The following SORCS3 variants were observed in gnomAD, a reference collection of about 807,000 sequenced individuals.
SORCS3 encodes VPS10 domain-containing receptor SorCS3.
Under a neutral mutation model 146.3 loss-of-function variants are expected in SORCS3, and 57 were observed. The ratio of observed to expected loss-of-function variants is 0.39; its 90% CI spans 0.31 to 0.49. The LOEUF (loss-of-function observed/expected upper bound fraction) is 0.49. Ranked by LOEUF, SORCS3 falls within the 20% of genes least tolerant of loss-of-function variation. The pLI, the probability that SORCS3 is intolerant of heterozygous loss-of-function variation, is 0.92. For missense variants in SORCS3, 1,341 were observed against 1,575.5 expected (o/e 0.85, Z 2.52); for synonymous variants, 653 against 618.5 (o/e 1.06, Z -0.83).
chr10:104,811,033 A>G (rs1196972745), intron 1 of SORCS3, among the ~76,000 whole-genome samples: 1 of 152,244 alleles, frequency 6.6e-6, no homozygotes, highest in African/African-American at 2.4e-5. Flanking sequence ...GATTAAGAAA[A>G]GCCCATTGCT....
intron 3 of SORCS3, among the ~76,000 whole-genome samples, chr10:104,970,279 G>A (rs536749581): frequency 4.5e-4 from 68 of 151,986 alleles, no homozygotes; most frequent in Admixed American, 7.2e-4. Context: ...CCTGAGTAGC[G>A]GGGATTACAG....
At chr10:104,904,239 G>T (rs920026369) in intron 2 of SORCS3, among the ~76,000 whole-genome samples, 6 of 152,130 alleles carry the variant, frequency 3.9e-5, no homozygotes, top group Non-Finnish European at 7.3e-5. Flanking sequence ...TATGTCCTTT[G>T]GTATCTTAGA....
intron 3 of SORCS3, among the ~76,000 whole-genome samples, chr10:104,919,750 A>C (rs958970574): frequency 3.3e-5 from 5 of 152,112 alleles, no homozygotes; most frequent in African/African-American, 1.2e-4. Context: ...TGCTTTCCTC[A>C]TCATCCAAGA....
intron 4 of SORCS3, among the ~76,000 whole-genome samples, chr10:105,025,837 A>AACACACACACACACACACACACAC (rs57597161): frequency 1.5e-5 from 2 of 135,418 alleles, no homozygotes; most frequent in African/African-American, 2.8e-5. Context: ...TGTCTTCTCA[A>AACACACACACACACACACACACAC]ACACACACAC....
intron 20 of SORCS3, among the ~76,000 whole-genome samples, chr10:105,239,972 C>G (rs957013213): frequency 6.6e-6 from 1 of 152,190 alleles, no homozygotes; most frequent in African/African-American, 2.4e-5. Context: ...GCCATTTTCC[C>G]AGCACAAGAG....
At chr10:104,864,388 C>T (rs1372842589) in intron 2 of SORCS3, among the ~76,000 whole-genome samples, 2 of 152,152 alleles carry the variant, frequency 1.3e-5, no homozygotes, top group African/African-American at 4.8e-5. Flanking sequence ...GGGGCCCCAT[C>T]CAGCCTTAGG....
At chr10:105,020,995 G>T (rs2864037) in intron 4 of SORCS3, among the ~76,000 whole-genome samples, 28,391 of 152,144 alleles carry the variant, frequency 0.19, 2,678 homozygotes, top group South Asian at 0.25. Context: ...GCAATGTTCA[G>T]AGTGTGTGTC....
intron 1 of SORCS3, among the ~76,000 whole-genome samples, chr10:104,771,149 G>C (rs1253728932): frequency 6.6e-6 from 1 of 152,190 alleles, no homozygotes; most frequent in African/African-American, 2.4e-5. Context: ...AAACCCAGCA[G>C]TGTCGGCATC....
intron 14 of SORCS3, among the ~76,000 whole-genome samples, chr10:105,191,524 C>A (rs1242428983): frequency 6.7e-6 from 1 of 149,840 alleles, no homozygotes; most frequent in Non-Finnish European, 1.5e-5. Context: ...AACCAATAGA[C>A]CAAGTAGTCC....
intron 2 of SORCS3, among the ~76,000 whole-genome samples, chr10:104,861,232 C>G (rs1206975039): frequency 6.6e-6 from 1 of 152,134 alleles, no homozygotes; most frequent in Non-Finnish European, 1.5e-5. Flanking sequence ...AATGTGCACA[C>G]CCTTGGGAGT....
intron 1 of SORCS3, among the ~76,000 whole-genome samples, chr10:104,738,215 T>G (rs1162055436): frequency 6.6e-6 from 1 of 152,232 alleles, no homozygotes; most frequent in East Asian, 1.9e-4. Context: ...GGCTTTGTTC[T>G]TTTGGCTTAG....
chr10:104,988,931 A>G (rs888714378), intron 4 of SORCS3, among the ~76,000 whole-genome samples: 8 of 152,162 alleles, frequency 5.3e-5, no homozygotes, highest in East Asian at 1.9e-4. Flanking sequence ...ATTTCCCCCA[A>G]TCTAGCCAAT....
Position 104,969,654 on chromosome 10 carries a change from A to G in SORCS3, c.796-7681A>G, listed in dbSNP as rs889636710. Reference sequence around the variant, plus strand: ...GATGAGAATGTCAGAGAAAGGTAGTAATAAAAATGTACTCTCACCAACAAA... The same window carrying G: ...GATGAGAATGTCAGAGAAAGGTAGTGATAAAAATGTACTCTCACCAACAAA... On this transcript the variant is annotated intron_variant, in intron 3 of 26. Transcript: ENST00000369701. Among the ~76,000 whole-genome samples, 3 of 152,184 alleles carry G rather than the reference A, an allele frequency of 2.0e-5. No homozygotes were observed. In the East Asian group the frequency reaches 5.8e-4, roughly 29 times the overall value.
intron 1 of SORCS3, among the ~76,000 whole-genome samples, chr10:104,658,642 A>G (rs926264211): frequency 2.6e-5 from 4 of 152,218 alleles, no homozygotes; most frequent in African/African-American, 9.7e-5. Flanking sequence ...GGTGTGAGCC[A>G]CAGCACCTGG....
At chr10:104,762,206 A>T (rs1235971015) in intron 1 of SORCS3, among the ~76,000 whole-genome samples, 1 of 151,998 alleles carries the variant, frequency 6.6e-6, no homozygotes, top group African/African-American at 2.4e-5. Flanking sequence ...GTTTAGTGGG[A>T]TTTCATCTCC....
intron 2 of SORCS3, among the ~76,000 whole-genome samples, chr10:104,896,196 G>A (rs2018796072): frequency 6.6e-6 from 1 of 152,206 alleles, no homozygotes; most frequent in African/African-American, 2.4e-5. Context: ...GACCAGATGG[G>A]TTTGGTGCAT....
chr10:104,895,629 G>C lies in SORCS3; in HGVS notation c.696-20204G>C, dbSNP rs535912631. On this transcript the variant is annotated intron_variant, in intron 2 of 26. Coordinates refer to ENST00000369701, the MANE Select transcript of SORCS3 (RefSeq NM_014978.3). ...GATGTGCAAGAATATAATGATTCCT[G>C]CTTCCTCAGCTGGTCTCATCAGCTG... Among the ~76,000 whole-genome samples the C allele has an allele frequency of 1.7e-4, 26 of 152,202 alleles. No homozygotes were observed. In the East Asian group the frequency reaches 2.5e-3, roughly 15 times the overall value.
intron 2 of SORCS3, among the ~76,000 whole-genome samples, chr10:104,915,096 G>C (rs953685618): frequency 6.6e-6 from 1 of 152,118 alleles, no homozygotes; most frequent in Non-Finnish European, 1.5e-5. Flanking sequence ...CTCCACCATG[G>C]AAGGCAGGAT....
chr10:104,763,947 G>A (rs2017151294), intron 1 of SORCS3, among the ~76,000 whole-genome samples: 1 of 150,668 alleles, frequency 6.6e-6, no homozygotes, highest in Admixed American at 6.6e-5. Context: ...CTTCCACCAT[G>A]ATTGTAAGTT....
Sources: allele counts gnomAD v4.1 joint callset (sites outside exome capture counted in the v4.1 genomes callset), GRCh38; gene constraint gnomAD v4.1.1; transcripts MANE v1.5; gene names NCBI Gene and HGNC (gene_info 2026-07-23, HGNC 2026-07-21).